The following ATXN7L1 variants were observed in gnomAD, a reference collection of about 807,000 sequenced individuals.
ATXN7L1 encodes ataxin 7 like 1.
In ATXN7L1, 15 loss-of-function variants were observed where a neutral mutation model predicts 70.8. That is an observed-to-expected ratio of 0.21 (90% CI 0.14 to 0.33). ATXN7L1 has a LOEUF of 0.33. Among genes scored for constraint, ATXN7L1 ranks in the 10% least tolerant of loss-of-function variants. The pLI is 1.00. For missense variants in ATXN7L1, 975 were observed against 1,097.1 expected, an observed-to-expected ratio of 0.89 and a Z score of 1.57; for synonymous variants, 440 against 445.1, an observed-to-expected ratio of 0.99 and a Z score of 0.14.
chr7:105,835,207 T>G, intron 2 of ATXN7L1, among the ~76,000 whole-genome samples: 2 of 132,918 alleles, frequency 1.5e-5, no homozygotes, highest in South Asian at 2.6e-4. Flanking sequence ...TGGGCTAAAG[T>G]GCAGTGGTGC....
intron 3 of ATXN7L1, among the ~76,000 whole-genome samples, chr7:105,732,502 C>G (rs1436286087): frequency 6.6e-6 from 1 of 152,118 alleles, no homozygotes; most frequent in African/African-American, 2.4e-5. Flanking sequence ...GTCACAACTA[C>G]TTCAGATGAT....
chr7:105,802,174 G>C (rs2116517391), intron 2 of ATXN7L1, among the ~76,000 whole-genome samples: 1 of 152,300 alleles, frequency 6.6e-6, no homozygotes, highest in East Asian at 1.9e-4. Flanking sequence ...AGTGGAACGA[G>C]TCAAGGCATA....
intron 2 of ATXN7L1, chr7:105,819,476 CA>C (rs1809743009): frequency 6.5e-6 from 5 of 772,196 alleles, no homozygotes; most frequent in Non-Finnish European, 1.2e-5. Flanking sequence ...TGTCCTTTCC[CA>C]GGGGGCTGCT....
chr7:105,628,811 ATAAATAAATAAATAAAT>A (rs1478668981), intron 7 of ATXN7L1, among the ~76,000 whole-genome samples: 1 of 114,808 alleles, frequency 8.7e-6, no homozygotes. Context: ...AAATAAATAA[ATAAATAAATAAATAAAT>A]AAATAAATAA....
At position 105,665,272 on chromosome 7, in the gene ATXN7L1, T is replaced by C; in HGVS notation, c.372A>G (p.Ser124=). The stretch of plus-strand genomic sequence containing the variant: ...CTGGAGAGGGAGAAGGTCTACACAT[T>C]GAACCGTGTCTTCTCTCTACAGGGG... ...FQSHCERRHG[S]MCRPSPSPVS... is the part of the protein sequence containing the mutation. Residue 124 remains serine (S), a synonymous_variant, in exon 4 of 12, where the codon TCA becomes TCG. Coordinates refer to ENST00000419735, the MANE Select transcript of ATXN7L1 (RefSeq NM_020725.2). 1 of 1,551,460 alleles carries C rather than the reference T, an allele frequency of 6.4e-7. No individual in the cohort carries two copies. The highest frequency in any genetic ancestry group is 8.7e-7 in the Non-Finnish European group (1 of 1,146,918).
chr7:105,653,217 G>A (rs1327245087), intron 4 of ATXN7L1, among the ~76,000 whole-genome samples: 1 of 152,182 alleles, frequency 6.6e-6, no homozygotes, highest in Non-Finnish European at 1.5e-5. Flanking sequence ...GGAGGCTGAG[G>A]TGGGTGGATC....
chr7:105,821,233 T>C (rs1585084145), intron 2 of ATXN7L1, among the ~76,000 whole-genome samples: 1 of 152,270 alleles, frequency 6.6e-6, no homozygotes, highest in Non-Finnish European at 1.5e-5. Flanking sequence ...GAGATGGGGT[T>C]TCTCCATGTT....
At chr7:105,752,957 A>G (rs1224292075) in intron 3 of ATXN7L1, among the ~76,000 whole-genome samples, 1 of 152,174 alleles carries the variant, frequency 6.6e-6, no homozygotes, top group Admixed American at 6.5e-5. Context: ...GACCATAGTG[A>G]ATTGAAGACT....
At chr7:105,727,729 T>G (rs1256544772) in intron 3 of ATXN7L1, among the ~76,000 whole-genome samples, 7 of 100,850 alleles carry the variant, frequency 6.9e-5, no homozygotes, top group South Asian at 3.8e-4. Flanking sequence ...TCCATAGGGG[T>G]GTGTGTGTGT....
At chr7:105,731,197 T>C (rs1796491997) in intron 3 of ATXN7L1, among the ~76,000 whole-genome samples, 1 of 152,192 alleles carries the variant, frequency 6.6e-6, no homozygotes, top group Non-Finnish European at 1.5e-5. Context: ...GACACATAAA[T>C]GAATTTTGTG....
At chr7:105,788,547 C>A (rs1216180723) in intron 3 of ATXN7L1, 57 bp downstream of exon 3, 3 of 1,397,616 alleles carry the variant, frequency 2.1e-6, no homozygotes, top group South Asian at 2.3e-5. Context: ...CAGGGGAAGG[C>A]GACTGTCCCC....
intron 2 of ATXN7L1, among the ~76,000 whole-genome samples, chr7:105,814,982 T>C (rs74820013): frequency 0.021 from 3,131 of 152,278 alleles, 104 homozygotes; most frequent in African/African-American, 0.069. Context: ...GAAATGGAAC[T>C]GCTGCTAAGA....
At chr7:105,655,104 G>C (rs1800414031) in intron 4 of ATXN7L1, among the ~76,000 whole-genome samples, 1 of 152,022 alleles carries the variant, frequency 6.6e-6, no homozygotes, top group African/African-American at 2.4e-5. Context: ...CCCAAAGCTG[G>C]ATTCCCTATT....
chr7:105,751,846 C>T (rs1426685760), intron 3 of ATXN7L1, among the ~76,000 whole-genome samples: 1 of 152,250 alleles, frequency 6.6e-6, no homozygotes, highest in Non-Finnish European at 1.5e-5. Flanking sequence ...AGGGAGCCGT[C>T]AGCTCTGCCT....
intron 3 of ATXN7L1, among the ~76,000 whole-genome samples, chr7:105,704,681 C>G (rs192262187): frequency 7.0e-6 from 1 of 143,318 alleles, no homozygotes; most frequent in Admixed American, 7.3e-5. Flanking sequence ...GCAACCTCTA[C>G]TCACTGCAAC....
chr7:105,639,479 A>T lies in ATXN7L1; in HGVS notation c.945+8T>A. 1 of 1,546,474 alleles carries T rather than the reference A, an allele frequency of 6.5e-7. No individual in the cohort carries two copies. The highest frequency in any genetic ancestry group is 8.8e-7 in the Non-Finnish European group (1 of 1,142,294). On this transcript the variant is annotated splice_region_variant and intron_variant, in intron 6 of 11. Coordinates refer to ENST00000419735, the MANE Select transcript of ATXN7L1 (RefSeq NM_020725.2). ...AGCAGGAAGTATTTTTTATGGAAAGAGAAATACCTTGCAGGTGAGGGATCT... is the reference window on the plus strand; with the variant it reads ...AGCAGGAAGTATTTTTTATGGAAAGTGAAATACCTTGCAGGTGAGGGATCT...
At chr7:105,644,553 T>C (rs577585293) in intron 4 of ATXN7L1, among the ~76,000 whole-genome samples, 3 of 152,342 alleles carry the variant, frequency 2.0e-5, no homozygotes, top group Non-Finnish European at 4.4e-5. Flanking sequence ...ATGTCTGAGA[T>C]AGAGCTGAAC....
intron 3 of ATXN7L1, among the ~76,000 whole-genome samples, chr7:105,782,387 C>T (rs530759289): frequency 6.6e-6 from 1 of 152,230 alleles, no homozygotes; most frequent in Admixed American, 6.5e-5. Flanking sequence ...TCCTAGATCT[C>T]GTGGGGAGAA....
intron 3 of ATXN7L1, among the ~76,000 whole-genome samples, chr7:105,727,773 T>TATATATATATATAC (rs1173626080): frequency 4.8e-5 from 6 of 124,244 alleles, no homozygotes; most frequent in Non-Finnish European, 9.9e-5. Flanking sequence ...TATATATATA[T>TATATATATATATAC]ATATACACAC....
Sources: gnomAD v4.1 joint callset for allele counts (sites outside exome capture counted in the v4.1 genomes callset) on GRCh38, gnomAD v4.1.1 for gene constraint, MANE v1.5 for transcripts, NCBI Gene and HGNC (gene_info 2026-07-23, HGNC 2026-07-21) for gene names.